REP15: variants seen among roughly 807,000 people sequenced by gnomAD.
REP15 encodes the protein RAB15 effector protein.
REP15 carries 1 observed loss-of-function variant against 1.1 expected under a neutral mutation model. The ratio of observed to expected loss-of-function variants is 0.89; its 90% CI spans 0.32 to 4.24. REP15 has a LOEUF of 4.24. REP15 is among the 30% of genes most tolerant of loss of function. REP15 has a pLI of 0.17. For missense variants in REP15, 246 were observed against 271.9 expected (o/e 0.90, Z 0.67); for synonymous variants, 100 against 99.7 (o/e 1.00, Z -0.02).
At position 27,696,745 on chromosome 12, in the gene REP15, C is replaced by T. The variant is rs781620129; in HGVS notation, c.183C>T (p.Ile61=). ...AANTLNEIFL[I]HFITFCQEKG... is the part of the protein sequence containing the mutation. ...ATACTCTGAATGAGATCTTCTTAAT[C>T]CATTTCATCACTTTCTGCCAAGAAA... Residue 61 remains isoleucine, a synonymous_variant, in exon 1 of 1, where the codon ATC becomes ATT. Transcript: ENST00000310791. 8.1e-6 allele frequency: 13 copies of T among 1,614,046 alleles called. No homozygotes were observed. Among genetic ancestry groups the T allele is most frequent in the Non-Finnish European group, 1.1e-5 (13 of 1,180,018 alleles).
In REP15 at chr12:27,697,189, G is replaced by A; in HGVS notation, c.627G>A (p.Val209=). Residue 209 remains valine (V), a synonymous_variant, in exon 1 of 1, where the codon GTG becomes GTA. Coordinates refer to ENST00000310791, the MANE Select transcript of REP15 (RefSeq NM_001029874.3). The part of the protein sequence containing the change: ...AQFVLETEDC[V]FIKELLRNCL... ...TTGTCCTGGAAACTGAAGATTGTGT[G>A]TTCATCAAAGAGCTGCTCAGAAATT... The A allele has an allele frequency of 6.2e-7, 1 of 1,614,154 alleles. No homozygotes were observed. Among genetic ancestry groups the A allele is most frequent in the Non-Finnish European group, 8.5e-7 (1 of 1,179,982 alleles).
Position 27,697,236 on chromosome 12 carries a change from TGA to T in REP15, c.680_681del (p.Glu227GlyfsTer17), listed in dbSNP as rs935238464. 6.2e-7 allele frequency: 1 copy of T among 1,613,884 alleles called. No individual in the cohort carries two copies. The highest frequency in any genetic ancestry group is 8.5e-7 in the Non-Finnish European group (1 of 1,179,748). On this transcript the variant is annotated frameshift_variant, in exon 1 of 1. Coordinates refer to ENST00000310791, the MANE Select transcript of REP15 (RefSeq NM_001029874.3). LOFTEE classifies it high-confidence loss of function. ...AATTGTCTGAGTAAGAAAGACGGGC[TGA>T]GAGAGGTGGGCAAGGTTTATATCAG...
rs1324720083 is a variant in REP15, at chr12:27,697,104, A to T, written c.542A>T (p.Asp181Val). The T allele has an allele frequency of 1.9e-6, 3 of 1,613,992 alleles. No homozygotes were observed. The highest frequency in any genetic ancestry group is 2.5e-6 in the Non-Finnish European group (3 of 1,180,042). ...AAAGACATCAGGGGAGTTGTCCTGG[A>T]CAGTGTCAAAAGTCAGATGGTGAGG... ...KPKDIRGVVL[D>V]SVKSQMVRSH... Residue 181 changes from aspartate to valine, a missense_variant, in exon 1 of 1, where the codon GAC becomes GTC. Transcript: ENST00000310791.
In REP15 at chr12:27,697,125, T is replaced by C; in HGVS notation, c.563T>C (p.Val188Ala). The change falls in exon 1 of 1, where the codon GTG (valine) becomes GCG (alanine). Residue 188 changes from valine to alanine, a missense_variant. Transcript: ENST00000310791. ...VVLDSVKSQM[V>A]RSHLPGGKAV... is the part of the protein sequence containing the mutation. ...CTGGACAGTGTCAAAAGTCAGATGGTGAGGAGCCATCTGCCAGGAGGGAAG... is the reference window on the plus strand; with the variant it reads ...CTGGACAGTGTCAAAAGTCAGATGGCGAGGAGCCATCTGCCAGGAGGGAAG... 3 of 1,613,720 alleles carry C rather than the reference T, an allele frequency of 1.9e-6. No homozygotes were observed. Among genetic ancestry groups the C allele is most frequent in the Admixed American group, 3.3e-5 (2 of 60,010 alleles).
rs367955434 is a variant in REP15, at chr12:27,697,587, CAAAA to C, written c.*320_*323del. 2 of 215,976 alleles carry C rather than the reference CAAAA, an allele frequency of 9.3e-6. No homozygotes were observed. Among genetic ancestry groups the C allele is most frequent in the Non-Finnish European group, 2.0e-5 (2 of 100,268 alleles). 13.4% of individuals were successfully genotyped at this position (215,976 alleles called of 1,614,324 possible). On this transcript the variant is annotated 3_prime_UTR_variant, in exon 1 of 1. Transcript: ENST00000310791. ...AAAGTCACATTTAAAGTTTGATTTGCAAAAAAAAAGTGTCTGTTTGAAATAATAA... is the reference window on the plus strand; with the variant it reads ...AAAGTCACATTTAAAGTTTGATTTGCAAAAAGTGTCTGTTTGAAATAATAA...
Position 27,697,366 on chromosome 12 carries a change from A to G in REP15, c.*93A>G. 2 of 717,628 alleles carry G rather than the reference A, an allele frequency of 2.8e-6. No individual in the cohort carries two copies. The highest frequency in any genetic ancestry group is 5.8e-5 in the Admixed American group (2 of 34,756). The allele number at this position is 717,628 out of a possible 1,614,324, so 44.5% of individuals were successfully genotyped here. A position where few individuals can be genotyped will look rare whatever the true frequency, so the allele number is the denominator to read the frequency against. ...CCTATTTGCATCATTCCAGCATGGG[A>G]TTTTTTTTCATTTGTTTTCCCATTG... On this transcript the variant is annotated 3_prime_UTR_variant, in exon 1 of 1. Coordinates refer to ENST00000310791, the MANE Select transcript of REP15 (RefSeq NM_001029874.3).
At position 27,696,523 on chromosome 12, in the gene REP15, T is replaced by G; in HGVS notation, c.-40T>G. On this transcript the variant is annotated 5_prime_UTR_variant, in exon 1 of 1. The change abolishes the stop of an existing upstream ORF in the 5' untranslated region. Transcript: ENST00000310791. ...TTTTACTTTGAAAAAGAAGTACGTC[T>G]GAACCAGATTCACATGTTTGATATT... The G allele has an allele frequency of 6.6e-7, 1 of 1,504,102 alleles. No homozygotes were observed. The highest frequency in any genetic ancestry group is 9.1e-7 in the Non-Finnish European group (1 of 1,101,658). The allele number at this position is 1,504,102 out of a possible 1,614,324, so 93.2% of individuals were successfully genotyped here.
chr12:27,697,185 G>C lies in REP15; in HGVS notation c.623G>C (p.Cys208Ser), dbSNP rs369463694. 1 of 1,614,016 alleles carries C rather than the reference G, an allele frequency of 6.2e-7. No individual in the cohort carries two copies. The highest frequency in any genetic ancestry group is 8.5e-7 in the Non-Finnish European group (1 of 1,179,998). Reference sequence around the variant, plus strand: ...CAGTTTGTCCTGGAAACTGAAGATTGTGTGTTCATCAAAGAGCTGCTCAGA... The same window carrying C: ...CAGTTTGTCCTGGAAACTGAAGATTCTGTGTTCATCAAAGAGCTGCTCAGA... ...VAQFVLETED[C>S]VFIKELLRNC... The change falls in exon 1 of 1, where the codon TGT becomes TCT. Residue 208 changes from cysteine (C) to serine (S), a missense_variant. Coordinates refer to ENST00000310791, the MANE Select transcript of REP15 (RefSeq NM_001029874.3).
Position 27,697,085 on chromosome 12 carries a change from A to G in REP15, c.523A>G (p.Ile175Val). 1 of 1,614,184 alleles carries G rather than the reference A, an allele frequency of 6.2e-7. No individual in the cohort carries two copies. The highest frequency in any genetic ancestry group is 8.5e-7 in the Non-Finnish European group (1 of 1,180,042). Residue 175 changes from isoleucine to valine, a missense_variant, in exon 1 of 1, where the codon ATC (isoleucine) becomes GTC (valine). Physicochemically the swap from Ile to Val is conservative, Grantham distance 29 (BLOSUM62 3). Transcript: ENST00000310791. ...IFGMPGKPKD[I>V]RGVVLDSVKS... ...TGGTATGCCAGGAAAGCCTAAAGAC[A>G]TCAGGGGAGTTGTCCTGGACAGTGT...
rs367599757 is a variant in REP15 at position 27,696,750 on chromosome 12, T to C, written c.188T>C (p.Phe63Ser). The change falls in exon 1 of 1, where the codon TTC (phenylalanine) becomes TCC (serine). Residue 63 changes from phenylalanine to serine, a missense_variant. Transcript: ENST00000310791. ...CTGAATGAGATCTTCTTAATCCATT[T>C]CATCACTTTCTGCCAAGAAAAGGGA... ...NTLNEIFLIH[F>S]ITFCQEKGVD... The C allele has an allele frequency of 1.2e-6, 2 of 1,614,174 alleles. No homozygotes were observed. The highest frequency in any genetic ancestry group is 1.7e-6 in the Non-Finnish European group (2 of 1,180,002).
rs1444658980 is a variant in REP15, at chr12:27,697,446, A to T, written c.*173A>T. 2.1e-6 allele frequency: 1 copy of T among 468,354 alleles called. No individual in the cohort carries two copies. The highest frequency in any genetic ancestry group is 3.9e-6 in the Non-Finnish European group (1 of 258,612). The allele number at this position is 468,354 out of a possible 1,614,324, so 29.0% of individuals were successfully genotyped here. A position where few individuals can be genotyped will look rare whatever the true frequency, so the allele number is the denominator to read the frequency against. On this transcript the variant is annotated 3_prime_UTR_variant, in exon 1 of 1. Transcript: ENST00000310791. ...ATTCATGTCGCAATTACAGAGAGAG[A>T]GAGAAAAAAAGAAAACCCTGGCTCT...
chr12:27,696,795 C>A lies in REP15; in HGVS notation c.233C>A (p.Thr78Asn). The change falls in exon 1 of 1, where the codon ACC (threonine) becomes AAC (asparagine). Residue 78 changes from threonine (T) to asparagine (N), a missense_variant. Physicochemically the swap from Thr to Asn is moderately conservative, Grantham distance 65 (BLOSUM62 0). Transcript: ENST00000310791. The part of the protein sequence containing the change: ...QEKGVDEWLT[T>N]TKMTKHQAFL... ...AAGGGAGTTGATGAGTGGCTGACCA[C>A]CACCAAGATGACCAAGCACCAAGCC... 1.9e-6 allele frequency: 3 copies of A among 1,614,058 alleles called. No homozygotes were observed. Among genetic ancestry groups the A allele is most frequent in the Non-Finnish European group, 2.5e-6 (3 of 1,179,930 alleles).
chr12:27,696,934 G>A lies in REP15; in HGVS notation c.372G>A (p.Lys124=). 1 of 1,614,176 alleles carries A rather than the reference G, an allele frequency of 6.2e-7. No homozygotes were observed. Among genetic ancestry groups the A allele is most frequent in the Non-Finnish European group, 8.5e-7 (1 of 1,180,006 alleles). ...CTTCACCTCCTCCTGTGGAATCTAA[G>A]CCTTGTGACCTTTCCAATCCAGAAT... ...QMSSPPPVES[K]PCDLSNPESR... is the part of the protein sequence containing the mutation. Residue 124 remains lysine, a synonymous_variant, in exon 1 of 1, where the codon AAG becomes AAA. Transcript: ENST00000310791.
Position 27,697,285 on chromosome 12 carries a change from A to G in REP15, c.*12A>G, listed in dbSNP as rs1250647179. On this transcript the variant is annotated 3_prime_UTR_variant, in exon 1 of 1. Transcript: ENST00000310791. ...TCAGCATTCTCTGACTTGGATATGT[A>G]TTATGTGAGTGGCCTGTAAGAGGAA... The G allele has an allele frequency of 2.0e-6, 3 of 1,502,772 alleles. No individual in the cohort carries two copies. Among genetic ancestry groups the G allele is most frequent in the Non-Finnish European group, 1.8e-6 (2 of 1,085,874 alleles). 93.1% of individuals were successfully genotyped at this position (1,502,772 alleles called of 1,614,324 possible). A position where few individuals can be genotyped will look rare whatever the true frequency, so the allele number is the denominator to read the frequency against.
chr12:27,697,059 T>A lies in REP15; in HGVS notation c.497T>A (p.Phe166Tyr). ...GATTGCCTGGGTCTGTTTATCATCT[T>A]TGGTATGCCAGGAAAGCCTAAAGAC... is the stretch of plus-strand genomic sequence containing the variant. ...GEDCLGLFII[F>Y]GMPGKPKDIR... The change falls in exon 1 of 1, where the codon TTT becomes TAT. Residue 166 changes from phenylalanine to tyrosine, a missense_variant. Transcript: ENST00000310791. 1 of 1,614,100 alleles carries A rather than the reference T, an allele frequency of 6.2e-7. No homozygotes were observed. The highest frequency in any genetic ancestry group is 8.5e-7 in the Non-Finnish European group (1 of 1,179,986).
rs1397433385 is a variant in REP15, at chr12:27,696,853, T to C, written c.291T>C (p.Phe97=). 5 of 1,613,918 alleles carry C rather than the reference T, an allele frequency of 3.1e-6. No individual in the cohort carries two copies. In the East Asian group the frequency reaches 8.9e-5, roughly 29 times the overall value. ...FLFGADWIWT[F]WGSNKQIKLQ... ...TTGGTGCAGACTGGATTTGGACCTT[T>C]TGGGGATCCAACAAGCAAATAAAGC... The change falls in exon 1 of 1, where the codon TTT becomes TTC. Residue 97 remains phenylalanine (F), a synonymous_variant. Transcript: ENST00000310791.
Position 27,696,539 on chromosome 12 carries a change from G to A in REP15, c.-24G>A. The A allele has an allele frequency of 3.2e-6, 5 of 1,562,494 alleles. No homozygotes were observed. The highest frequency in any genetic ancestry group is 4.4e-6 in the Non-Finnish European group (5 of 1,142,592). ...AAGTACGTCTGAACCAGATTCACAT[G>A]TTTGATATTTGGATGCAGAGAAAAT... On this transcript the variant is annotated 5_prime_UTR_variant, in exon 1 of 1. It removes an upstream start codon present in the reference 5' UTR. Coordinates refer to ENST00000310791, the MANE Select transcript of REP15 (RefSeq NM_001029874.3).
Position 27,696,652 on chromosome 12 carries a change from T to TGCA in REP15, c.93_95dup (p.Ala32dup). On this transcript the variant is annotated inframe_insertion, in exon 1 of 1. Transcript: ENST00000310791. ...AGGTGGTCAGTGAAGCTATAGTCCATGCAGCTCAGAAACTGAAGGAGTACC... is the reference window on the plus strand; with the variant it reads ...AGGTGGTCAGTGAAGCTATAGTCCATGCAGCAGCTCAGAAACTGAAGGAGTACC... 1 of 1,614,188 alleles carries TGCA rather than the reference T, an allele frequency of 6.2e-7. No homozygotes were observed. The highest frequency in any genetic ancestry group is 8.5e-7 in the Non-Finnish European group (1 of 1,180,004).
In REP15 at chr12:27,697,538, T is replaced by TGA. The variant is rs2061742580; in HGVS notation, c.*265_*266insGA. On this transcript the variant is annotated 3_prime_UTR_variant, in exon 1 of 1. Transcript: ENST00000310791. Reference sequence around the variant, plus strand: ...TTTAATATTTCATTCACTTATTCAATAATAAAAATGGAAGAGAGATAATAA... The same window carrying TGA: ...TTTAATATTTCATTCACTTATTCAATGAAATAAAAATGGAAGAGAGATAATAA... The TGA allele has an allele frequency of 3.4e-6, 1 of 292,202 alleles. No individual in the cohort carries two copies. The highest frequency in any genetic ancestry group is 2.2e-5 in the African/African-American group (1 of 45,606). 18.1% of individuals were successfully genotyped at this position (292,202 alleles called of 1,614,324 possible). A position where few individuals can be genotyped will look rare whatever the true frequency, so the allele number is the denominator to read the frequency against.
Sources: gnomAD v4.1 joint callset for allele counts on GRCh38, gnomAD v4.1.1 for gene constraint, MANE v1.5 for transcripts, NCBI Gene and HGNC (gene_info 2026-07-23, HGNC 2026-07-21) for gene names.